The following MGAM variants were observed in gnomAD, a reference collection of about 807,000 sequenced individuals.
The protein encoded by MGAM is alpha-1,4-glucosidase.
MGAM carries 253 observed loss-of-function variants against 358.8 expected under a neutral mutation model. The observed-to-expected ratio is 0.71, with a 90% CI of 0.64 to 0.78. The LOEUF is 0.78. MGAM is among the 30% of genes least tolerant of loss of function. MGAM has a pLI of 0.00. For missense variants in MGAM, 3,080 were observed against 3,432.6 expected (o/e 0.90, Z 2.57); for synonymous variants, 1,105 against 1,227.1 (o/e 0.90, Z 2.08).
At chr7:142,095,911 G>A in intron 64 of MGAM, 198 bp downstream of exon 64, 1 of 859,502 alleles carries the variant, frequency 1.2e-6, no homozygotes, top group Non-Finnish European at 1.8e-6. Context: ...GATTGAATGA[G>A]CAAAACTGAA....
intron 69 of MGAM, 84 bp from the exon 70 acceptor site, chr7:142,103,185 G>T: frequency 2.7e-6 from 3 of 1,130,520 alleles, no homozygotes; most frequent in South Asian, 1.7e-5. Context: ...CTTACTTTAT[G>T]ACCTACATTT....
chr7:142,096,444 G>T (rs62479365), intron 65 of MGAM, 29 bp downstream of exon 65: 481,394 of 1,608,866 alleles, frequency 0.3, 74,209 homozygotes, highest in Non-Finnish European at 0.32. Context: ...GATGAGGGGA[G>T]GATCCCAGCT....
intron 57 of MGAM, among the ~76,000 whole-genome samples, chr7:142,090,051 A>G (rs1585093636): frequency 6.9e-6 from 1 of 145,836 alleles, no homozygotes; most frequent in South Asian, 2.2e-4. Context: ...GTAGCATGCA[A>G]TGTGCCACAA....
At chr7:142,040,987 C>G (rs1401004256) in intron 21 of MGAM, 141 bp downstream of exon 21, 3 of 1,030,460 alleles carry the variant, frequency 2.9e-6, no homozygotes, top group Admixed American at 6.7e-5. Flanking sequence ...CCAAAAGTCT[C>G]TTCCCTTGGG....
At chr7:142,000,619 T>C (rs921743470) in intron 1 of MGAM, among the ~76,000 whole-genome samples, 23 of 152,318 alleles carry the variant, frequency 1.5e-4, no homozygotes, top group African/African-American at 5.5e-4. Context: ...TTAAATAACA[T>C]TGAATTATAT....
At position 142,045,219 on chromosome 7, in the gene MGAM, A is replaced by T. The variant is rs1200384056; in HGVS notation, c.2499-2566A>T. On this transcript the variant is annotated intron_variant, in intron 21 of 70. Transcript: ENST00000475668. Reference sequence around the variant, plus strand: ...AATATATATTATATAACATATATGTATATAATATATATTATATATCATATA... The same window carrying T: ...AATATATATTATATAACATATATGTTTATAATATATATTATATATCATATA... 6.9e-5 allele frequency among the ~76,000 whole-genome samples: 3 copies of T among 43,646 alleles called. No homozygotes were observed. In the South Asian group the frequency reaches 2.0e-3, roughly 29 times the overall value. The allele number at this position is 43,646 out of a possible 152,430, so 28.6% of individuals were successfully genotyped here. A position where few individuals can be genotyped will look rare whatever the true frequency, so the allele number is the denominator to read the frequency against.
chr7:142,006,380 G>A (rs1805167448), intron 2 of MGAM, among the ~76,000 whole-genome samples: 2 of 152,142 alleles, frequency 1.3e-5, no homozygotes. Context: ...AAGCTTTCCC[G>A]GGCATTTTTC....
chr7:142,041,948 ACAT>A lies in MGAM; in HGVS notation c.2498+1103_2498+1105del, dbSNP rs1264801207. Among the ~76,000 whole-genome samples, 69 of 14,908 alleles carry A rather than the reference ACAT, an allele frequency of 4.6e-3. 1 individual carries two copies. Among genetic ancestry groups the A allele is most frequent in the African/African-American group, 0.012 (64 of 5,290 alleles). The allele number at this position is 14,908 out of a possible 152,430, so 9.8% of individuals were successfully genotyped here. A position where few individuals can be genotyped will look rare whatever the true frequency, so the allele number is the denominator to read the frequency against. On this transcript the variant is annotated intron_variant, in intron 21 of 70. Coordinates refer to ENST00000475668, the MANE Select transcript of MGAM (RefSeq NM_001365693.1). ...TATATAATATATATATTATATATAT[ACAT>A]ATATATAATATATATATATTATATA...
Position 142,078,579 on chromosome 7 carries a change from C to A in MGAM, c.5646+109C>A, listed in dbSNP as rs1030045300. Reference sequence around the variant, plus strand: ...AACTACTTAAAATCCATAGAAAGGACTTCCTAAGGGACATGATCTGGATGT... The same window carrying A: ...AACTACTTAAAATCCATAGAAAGGAATTCCTAAGGGACATGATCTGGATGT... On this transcript the variant is annotated intron_variant, in intron 48 of 70. Transcript: ENST00000475668. 3 of 1,196,038 alleles carry A rather than the reference C, an allele frequency of 2.5e-6. 1 individual carries two copies. In the African/African-American group the frequency reaches 4.4e-5, roughly 18 times the overall value. The allele number at this position is 1,196,038 out of a possible 1,614,324, so 74.1% of individuals were successfully genotyped here.
chr7:141,988,663 C>T (rs1293743550), intron 2 of MGAM, among the ~76,000 whole-genome samples: 1 of 152,084 alleles, frequency 6.6e-6, no homozygotes, highest in Non-Finnish European at 1.5e-5. Flanking sequence ...CCATGCATGG[C>T]CAAATGTAAA....
At position 142,015,761 on chromosome 7, in the gene MGAM, A is replaced by C. The variant is rs192000808; in HGVS notation, c.328-3438A>C. ...TTCTGATTTTAAAAGGAATCCTTTTAATATGTTACCATTTAGTAAGATACT... is the reference window on the plus strand; with the variant it reads ...TTCTGATTTTAAAAGGAATCCTTTTCATATGTTACCATTTAGTAAGATACT... On this transcript the variant is annotated intron_variant, in intron 3 of 70. Coordinates refer to ENST00000475668, the MANE Select transcript of MGAM (RefSeq NM_001365693.1). Among the ~76,000 whole-genome samples the C allele has an allele frequency of 3.1e-3, 472 of 152,146 alleles. 1 individual carries two copies. Among genetic ancestry groups the C allele is most frequent in the Non-Finnish European group, 4.9e-3 (331 of 67,960 alleles).
rs781987857 is a variant in MGAM, at chr7:142,030,347, T to A, written c.1222-15T>A. On this transcript the variant is annotated splice_polypyrimidine_tract_variant and intron_variant, in intron 10 of 70. Transcript: ENST00000475668. ...ATTCCTAGGTGCTAATTGTGGACTTTGTATATTCTTTCAGGATGTTCAGCA... is the reference window on the plus strand; with the variant it reads ...ATTCCTAGGTGCTAATTGTGGACTTAGTATATTCTTTCAGGATGTTCAGCA... The A allele has an allele frequency of 6.2e-7, 1 of 1,610,886 alleles. No homozygotes were observed. The highest frequency in any genetic ancestry group is 8.5e-7 in the Non-Finnish European group (1 of 1,178,706).
intron 16 of MGAM, 52 bp from the exon 17 acceptor site, chr7:142,036,117 G>T (rs1554465685): frequency 1.5e-6 from 2 of 1,313,046 alleles, no homozygotes; most frequent in Non-Finnish European, 2.2e-6. Context: ...GAAAGCAAAG[G>T]AGGGTGGTTA....
Position 142,078,688 on chromosome 7 carries a change from A to G in MGAM, c.5647-120A>G. ...AGGAAATTAAATTTATGTTATTGCC[A>G]AGTGATAAGTGATAGGCTGGTTTTA... On this transcript the variant is annotated intron_variant, in intron 48 of 70. Transcript: ENST00000475668. 2 of 1,136,422 alleles carry G rather than the reference A, an allele frequency of 1.8e-6. 1 individual carries two copies. Among genetic ancestry groups the G allele is most frequent in the South Asian group, 3.1e-5 (2 of 65,100 alleles). 70.4% of individuals were successfully genotyped at this position (1,136,422 alleles called of 1,614,324 possible).
chr7:141,988,220 G>A (rs566929950), intron 2 of MGAM, among the ~76,000 whole-genome samples: 11 of 152,100 alleles, frequency 7.2e-5, no homozygotes, highest in Non-Finnish European at 1.2e-4. Context: ...CCCAGGAGGA[G>A]GAGGTTGCAG....
At chr7:142,088,847 AT>A in intron 57 of MGAM, among the ~76,000 whole-genome samples, 2 of 140,632 alleles carry the variant, frequency 1.4e-5, no homozygotes, top group African/African-American at 5.0e-5. Flanking sequence ...CTATCTATCT[AT>A]CTATCTATCT....
At position 142,034,367 on chromosome 7, in the gene MGAM, T is replaced by A; in HGVS notation, c.1775T>A (p.Val592Asp). 1 of 1,576,524 alleles carries A rather than the reference T, an allele frequency of 6.3e-7. No individual in the cohort carries two copies. Among genetic ancestry groups the A allele is most frequent in the Non-Finnish European group, 8.6e-7 (1 of 1,159,732 alleles). ...IHNLYGYSMA[V>D]ATAEAAKTVF... ...AATCTGTATGGCTACTCCATGGCGG[T>A]CGCCACAGCAGAGTAAGGCCACTAT... The change falls in exon 15 of 71, where the codon GTC becomes GAC. Residue 592 changes from valine (V) to aspartate (D), a missense_variant. Physicochemically the swap from Val to Asp is radical, Grantham distance 152 (BLOSUM62 -3). Coordinates refer to ENST00000475668, the MANE Select transcript of MGAM (RefSeq NM_001365693.1).
intron 21 of MGAM, among the ~76,000 whole-genome samples, chr7:142,045,194 A>ATATATTATATACATATATGTTATATAAT (rs1809955320): frequency 1.5e-5 from 1 of 68,914 alleles, no homozygotes; most frequent in Non-Finnish European, 2.8e-5. Flanking sequence ...TATGATATAT[A>ATATATTATATACATATATGTTATATAAT]ATATATATTA....
chr7:141,986,973 G>A (rs1451015673), intron 2 of MGAM, among the ~76,000 whole-genome samples: 3 of 152,160 alleles, frequency 2.0e-5, no homozygotes, highest in African/African-American at 7.2e-5. Context: ...GCAGATAACA[G>A]GAGGACAACT....
Sources: allele counts gnomAD v4.1 joint callset (sites outside exome capture counted in the v4.1 genomes callset), GRCh38; gene constraint gnomAD v4.1.1; transcripts MANE v1.5; gene names NCBI Gene and HGNC (gene_info 2026-07-23, HGNC 2026-07-21).